ACSS1: variants seen among roughly 807,000 people sequenced by gnomAD.
ACSS1 encodes the protein acetyl-coenzyme A synthetase 2-like, mitochondrial.
ACSS1 carries 42 observed loss-of-function variants against 75.3 expected under a neutral mutation model. The ratio of observed to expected loss-of-function variants is 0.56; its 90% CI spans 0.44 to 0.72. The LOEUF (loss-of-function observed/expected upper bound fraction) is 0.72. ACSS1 is among the 30% of genes least tolerant of loss of function. The pLI is 0.00. For synonymous variants in ACSS1, 380 were observed against 376.8 expected (o/e 1.01, Z -0.10); for missense variants, 782 against 935.7 (o/e 0.84, Z 2.14).
At chr20:25,048,509 G>T (rs1361946034) in intron 1 of ACSS1, among the ~76,000 whole-genome samples, 1 of 152,172 alleles carries the variant, frequency 6.6e-6, no homozygotes, top group Non-Finnish European at 1.5e-5. Flanking sequence ...AAGCCTCAAA[G>T]CCCCCATGGT....
Position 25,006,825 on chromosome 20 carries a change from C to A in ACSS1, c.*937G>T, listed in dbSNP as rs1461927437. On this transcript the variant is annotated 3_prime_UTR_variant, in exon 14 of 14. Coordinates refer to ENST00000323482, the MANE Select transcript of ACSS1 (RefSeq NM_032501.4). ...ACCGCCCCAACCACAGAGTGAAGGT[C>A]AGGCAGCGTTTGCCAGGATTTGGCT... 1 of 1,535,240 alleles carries A rather than the reference C, an allele frequency of 6.5e-7. No homozygotes were observed. Among genetic ancestry groups the A allele is most frequent in the South Asian group, 1.2e-5 (1 of 84,008 alleles).
rs541161231 is a variant in ACSS1 at position 25,012,464 on chromosome 20, G to C, written c.1771+137C>G. 2.8e-4 allele frequency: 302 copies of C among 1,092,234 alleles called. 1 individual carries two copies. The highest frequency in any genetic ancestry group is 3.7e-4 in the Non-Finnish European group (276 of 737,858). 67.7% of individuals were successfully genotyped at this position (1,092,234 alleles called of 1,614,324 possible). ...GCCTCCTCCCCTACAGTTTCCACTT[G>C]AGAGAGAAGAACACTGAGAGCTTGG... On this transcript the variant is annotated intron_variant, in intron 12 of 13. Coordinates refer to ENST00000323482, the MANE Select transcript of ACSS1 (RefSeq NM_032501.4).
At chr20:25,044,982 G>A (rs562714374) in intron 2 of ACSS1, among the ~76,000 whole-genome samples, 6 of 152,336 alleles carry the variant, frequency 3.9e-5, no homozygotes, top group Admixed American at 1.3e-4. Flanking sequence ...GGCAGGGGAG[G>A]GGGTCCTCCT....
At chr20:25,046,942 G>A in intron 2 of ACSS1, 1 of 779,370 alleles carries the variant, frequency 1.3e-6, no homozygotes, top group Non-Finnish European at 2.4e-6. Flanking sequence ...CAGCAAAGGA[G>A]CCCTGGCCGA....
In ACSS1 at chr20:25,018,485, A is replaced by G. The variant is rs146261564; in HGVS notation, c.1246+1525T>C. Among the ~76,000 whole-genome samples, 401 of 152,242 alleles carry G rather than the reference A, an allele frequency of 2.6e-3. 1 individual carries two copies. Among genetic ancestry groups the G allele is most frequent in the African/African-American group, 9.5e-3 (393 of 41,532 alleles). On this transcript the variant is annotated intron_variant, in intron 7 of 13. Transcript: ENST00000323482. ...GGACAGTATGGCAAGGGACCTGTTG[A>G]GGGTACAGGGTGGGGGCACAGAGCC...
At chr20:25,050,554 C>T (rs1308152418) in intron 1 of ACSS1, among the ~76,000 whole-genome samples, 8 of 152,108 alleles carry the variant, frequency 5.3e-5, no homozygotes, top group Non-Finnish European at 1.0e-4. Context: ...TGGAGCCCCC[C>T]GGAAGAGTGG....
chr20:25,009,336 C>T lies in ACSS1; in HGVS notation c.1824G>A (p.Val608=). 6.2e-7 allele frequency: 1 copy of T among 1,614,206 alleles called. No homozygotes were observed. The change falls in exon 13 of 14, where the codon GTG becomes GTA. Residue 608 remains valine (V), a synonymous_variant. Coordinates refer to ENST00000323482, the MANE Select transcript of ACSS1 (RefSeq NM_032501.4). ...VKDSAGDSDV[V]VQELKSMVAT... Reference sequence around the variant, plus strand: ...CCACCATGGACTTGAGCTCCTGCACCACCACATCTGAGTCACCCGCACTAT... The same window carrying T: ...CCACCATGGACTTGAGCTCCTGCACTACCACATCTGAGTCACCCGCACTAT...
intron 2 of ACSS1, chr20:25,046,430 T>C: frequency 3.8e-6 from 1 of 260,712 alleles, no homozygotes; most frequent in East Asian, 9.9e-5. Flanking sequence ...TAGCACACAC[T>C]CAGTGCTCCC....
chr20:25,030,858 C>T lies in ACSS1; in HGVS notation c.532G>A (p.Ala178Thr), dbSNP rs1345335911. Reference protein sequence around the residue: ...VAIYMPVSPLAVAAMLACARI... With the variant: ...VAIYMPVSPLTVAAMLACARI... ...GCACAGGCCAGCATTGCTGCCACAGCCAATGGGGACACGGGCATGTAGATG... is the reference window on the plus strand; with the variant it reads ...GCACAGGCCAGCATTGCTGCCACAGTCAATGGGGACACGGGCATGTAGATG... The change falls in exon 3 of 14, where the codon GCT becomes ACT. Residue 178 changes from alanine (A) to threonine (T), a missense_variant. Physicochemically the swap from Ala to Thr is moderately conservative, Grantham distance 58 (BLOSUM62 0). Transcript: ENST00000323482. The T allele has an allele frequency of 6.2e-7, 1 of 1,614,114 alleles. No homozygotes were observed. The highest frequency in any genetic ancestry group is 1.3e-5 in the African/African-American group (1 of 74,936).
chr20:25,024,729 TCCTA>T (rs2088686404), intron 3 of ACSS1, among the ~76,000 whole-genome samples: 1 of 151,724 alleles, frequency 6.6e-6, no homozygotes, highest in South Asian at 2.1e-4. Context: ...TCTGGGAGAG[TCCTA>T]CCTAAATAAA....
chr20:25,052,818 G>T (rs2122769209), intron 1 of ACSS1, among the ~76,000 whole-genome samples: 1 of 152,370 alleles, frequency 6.6e-6, no homozygotes, highest in Middle Eastern at 3.4e-3. Context: ...CCCACCCAGG[G>T]CCTAACACAG....
intron 7 of ACSS1, among the ~76,000 whole-genome samples, chr20:25,016,721 G>A (rs528322992): frequency 2.0e-5 from 3 of 152,372 alleles, no homozygotes; most frequent in South Asian, 4.1e-4. Context: ...GGGAGACTGC[G>A]ACAGCCTGCA....
chr20:25,023,526 C>CA lies in ACSS1; in HGVS notation c.746dup (p.Val250GlyfsTer37). The CA allele has an allele frequency of 6.2e-7, 1 of 1,614,202 alleles. No individual in the cohort carries two copies. The highest frequency in any genetic ancestry group is 1.1e-5 in the South Asian group (1 of 91,086). Reference sequence around the variant, plus strand: ...CCTTGTTGTCTGTCCTGTGAGCCACCAGGACATGCTGCACGGTGGGGCAGT... The same window carrying CA: ...CCTTGTTGTCTGTCCTGTGAGCCACCAAGGACATGCTGCACGGTGGGGCAGT... On this transcript the variant is annotated frameshift_variant, in exon 4 of 14. Transcript: ENST00000323482. LOFTEE classifies it high-confidence loss of function.
intron 12 of ACSS1, chr20:25,011,280 C>T (rs2088404017): frequency 6.6e-6 from 1 of 152,256 alleles, no homozygotes; most frequent in Admixed American, 6.5e-5. Context: ...TTCCATTGTC[C>T]TTTCCTTGAT....
In ACSS1 at chr20:25,022,515, C is replaced by T. The variant is rs376077074; in HGVS notation, c.960+425G>A. 8.9e-4 allele frequency among the ~76,000 whole-genome samples: 135 copies of T among 152,314 alleles called. 1 individual carries two copies. The highest frequency in any genetic ancestry group is 2.9e-3 in the African/African-American group (121 of 41,578). ...ACAAGACACATCAAGACATGCTGGA[C>T]GGGGCTGTGGCCATATGGGCCTGGA... On this transcript the variant is annotated intron_variant, in intron 5 of 13. Transcript: ENST00000323482.
intron 2 of ACSS1, among the ~76,000 whole-genome samples, chr20:25,047,466 C>G (rs2089113364): frequency 1.3e-5 from 2 of 152,212 alleles, no homozygotes; most frequent in Admixed American, 1.3e-4. Flanking sequence ...GTTACTGCAA[C>G]ATACTGCAGC....
Position 25,046,781 on chromosome 20 carries a change from T to TG in ACSS1, c.431+1303dup, listed in dbSNP as rs1488517381. ...CACACTCCAGTGTGCAGGGGCCACC[T>TG]GGGGGGCCGCTCAGTTGTCCAGTGG... is the stretch of plus-strand genomic sequence containing the variant. On this transcript the variant is annotated intron_variant, in intron 2 of 13. Transcript: ENST00000323482. 3.8e-5 allele frequency: 30 copies of TG among 779,384 alleles called. 1 individual carries two copies. The highest frequency in any genetic ancestry group is 3.6e-4 in the Admixed American group (21 of 59,004). The allele number at this position is 779,384 out of a possible 1,614,324, so 48.3% of individuals were successfully genotyped here. A position where few individuals can be genotyped will look rare whatever the true frequency, so the allele number is the denominator to read the frequency against.
intron 5 of ACSS1, 29 bp downstream of exon 5, chr20:25,022,911 G>A (rs1346134934): frequency 6.4e-7 from 1 of 1,571,966 alleles, no homozygotes; most frequent in Non-Finnish European, 8.6e-7. Flanking sequence ...CCCTGCCAAG[G>A]GCCCAGCACC....
At chr20:25,023,197 C>T in intron 4 of ACSS1, 105 bp from the exon 5 acceptor site, 1 of 1,375,376 alleles carries the variant, frequency 7.3e-7, no homozygotes, top group East Asian at 2.5e-5. Context: ...CAGAATTCAC[C>T]TGCTCTGACC....
Sources: allele counts gnomAD v4.1 joint callset (sites outside exome capture counted in the v4.1 genomes callset), GRCh38; gene constraint gnomAD v4.1.1; transcripts MANE v1.5; gene names NCBI Gene and HGNC (gene_info 2026-07-23, HGNC 2026-07-21).